Variants in THSD7A observed in about 807,000 individuals in gnomAD.
THSD7A encodes the protein thrombospondin type 1 domain containing 7A.
Under a neutral mutation model 231.3 loss-of-function variants are expected in THSD7A, and 96 were observed. The ratio of observed to expected loss-of-function variants is 0.41; its 90% CI spans 0.35 to 0.49. The LOEUF (loss-of-function observed/expected upper bound fraction) is 0.49, where lower values mean the gene tolerates loss of function less well. THSD7A is among the 20% of genes least tolerant of loss of function. The pLI is 0.05. For missense variants in THSD7A, 2,290 were observed against 2,070.2 expected (o/e 1.11, Z -2.06); for synonymous variants, 940 against 743.3 (o/e 1.26, Z -4.30).
rs1481629404 is a variant in THSD7A at position 11,636,562 on chromosome 7, A to G, written c.590T>C (p.Val197Ala). Residue 197 changes from valine (V) to alanine (A), a missense_variant, in exon 2 of 28, where the codon GTG becomes GCG. By Grantham distance (64) the Val-to-Ala change is moderately conservative (BLOSUM62 0). Transcript: ENST00000423059. The surrounding 1 kb of genome is among the most constrained non-coding windows in gnomAD (Gnocchi z 10.0). ...CLIPCQQDCIVSEFSAWSECS... is the reference protein window; with the variant it reads ...CLIPCQQDCIASEFSAWSECS... ...TTCGGACCAGGCAGAAAATTCAGAC[A>G]CGATGCAATCTTGCTGGCAAGGAAT... 15 of 1,613,994 alleles carry G rather than the reference A, an allele frequency of 9.3e-6. No individual in the cohort carries two copies. The highest frequency in any genetic ancestry group is 1.3e-5 in the Non-Finnish European group (15 of 1,179,900).
chr7:11,628,986 C>T (rs1462830209), intron 2 of THSD7A, among the ~76,000 whole-genome samples: 3 of 152,040 alleles, frequency 2.0e-5, no homozygotes, highest in East Asian at 1.9e-4. Context: ...TACCCTATGG[C>T]GATAAAGGAA....
chr7:11,464,506 G>T (rs1316355463), intron 9 of THSD7A, among the ~76,000 whole-genome samples: 1 of 152,044 alleles, frequency 6.6e-6, no homozygotes, highest in Non-Finnish European at 1.5e-5. Context: ...AAACATTAAT[G>T]TTTCAATTCT....
intron 7 of THSD7A, among the ~76,000 whole-genome samples, chr7:11,478,213 C>T (rs1188586837): frequency 6.6e-6 from 1 of 152,194 alleles, no homozygotes. Context: ...CATGAGGCCA[C>T]CCACATGACA....
At chr7:11,512,497 T>G (rs1787853974) in intron 6 of THSD7A, among the ~76,000 whole-genome samples, 1 of 152,050 alleles carries the variant, frequency 6.6e-6, no homozygotes, top group Admixed American at 6.6e-5. Flanking sequence ...TATTTTTATT[T>G]TGGCACTATT....
In THSD7A at chr7:11,446,050, G is replaced by C; in HGVS notation, c.3064+11C>G. The C allele has an allele frequency of 6.2e-7, 1 of 1,612,854 alleles. No individual in the cohort carries two copies. The highest frequency in any genetic ancestry group is 8.5e-7 in the Non-Finnish European group (1 of 1,179,172). On this transcript the variant is annotated intron_variant, in intron 13 of 27. Transcript: ENST00000423059. The surrounding 1 kb of genome is among the most constrained non-coding windows in gnomAD (Gnocchi z 4.0). ...AAGATAGCAAATATGTAACAATGAAGATTGAATTACCATGGCTGTTACATC... is the reference window on the plus strand; with the variant it reads ...AAGATAGCAAATATGTAACAATGAACATTGAATTACCATGGCTGTTACATC...
chr7:11,783,625 C>T (rs1783699400), intron 1 of THSD7A, among the ~76,000 whole-genome samples: 1 of 152,134 alleles, frequency 6.6e-6, no homozygotes, highest in African/African-American at 2.4e-5. Context: ...GCAAAACCTT[C>T]TTCAGTGGCC....
chr7:11,558,444 C>T (rs1789938853), intron 4 of THSD7A, among the ~76,000 whole-genome samples: 1 of 152,128 alleles, frequency 6.6e-6, no homozygotes, highest in Non-Finnish European at 1.5e-5. Flanking sequence ...GTACCACAGT[C>T]CTAAATCTGG....
chr7:11,593,005 T>C (rs1780224287), intron 3 of THSD7A, among the ~76,000 whole-genome samples: 1 of 152,118 alleles, frequency 6.6e-6, no homozygotes, highest in Non-Finnish European at 1.5e-5. Flanking sequence ...ATCTACCCCT[T>C]TACAGAAAAA....
chr7:11,401,735 T>C, intron 23 of THSD7A, 60 bp downstream of exon 23: 1 of 1,474,208 alleles, frequency 6.8e-7, no homozygotes, highest in South Asian at 1.4e-5. Context: ...TTTAACAGAC[T>C]ATTTTTTTTT....
intron 1 of THSD7A, chr7:11,820,691 G>T (rs190781334): frequency 4.5e-6 from 4 of 884,540 alleles, no homozygotes; most frequent in African/African-American, 3.3e-5. Flanking sequence ...CCCCAGTCTC[G>T]ATGTCTCAAA....
intron 1 of THSD7A, among the ~76,000 whole-genome samples, chr7:11,794,881 A>T (rs1158286071): frequency 6.6e-6 from 1 of 151,990 alleles, no homozygotes; most frequent in Non-Finnish European, 1.5e-5. Context: ...ATATTTAGGG[A>T]CAAAAACACA....
At chr7:11,407,110 T>G (rs1783611313) in intron 20 of THSD7A, 55 bp from the exon 21 acceptor site, 2 of 1,592,690 alleles carry the variant, frequency 1.3e-6, no homozygotes, top group African/African-American at 2.7e-5. Flanking sequence ...TTTGCAAGCA[T>G]ATATCTCATT....
At chr7:11,492,180 G>A (rs1027730245) in intron 6 of THSD7A, among the ~76,000 whole-genome samples, 5 of 151,914 alleles carry the variant, frequency 3.3e-5, no homozygotes, top group African/African-American at 4.8e-5. Context: ...ACCAGAAAAG[G>A]TGCAAAAGAC....
Position 11,579,229 on chromosome 7 carries a change from T to C in THSD7A, c.1453+11231A>G, listed in dbSNP as rs150947115. ...TTTAGAAGGAATAAATATTAATGAGTTCTACAATGTAGTTTGCACTCCTCT... is the reference window on the plus strand; with the variant it reads ...TTTAGAAGGAATAAATATTAATGAGCTCTACAATGTAGTTTGCACTCCTCT... On this transcript the variant is annotated intron_variant, in intron 4 of 27. Transcript: ENST00000423059. Among the ~76,000 whole-genome samples, 279 of 152,314 alleles carry C rather than the reference T, an allele frequency of 1.8e-3. 1 individual carries two copies. The highest frequency in any genetic ancestry group is 4.4e-3 in the African/African-American group (183 of 41,570).
At chr7:11,716,928 G>C (rs909154038) in intron 1 of THSD7A, among the ~76,000 whole-genome samples, 1 of 151,502 alleles carries the variant, frequency 6.6e-6, no homozygotes, top group Non-Finnish European at 1.5e-5. Flanking sequence ...ACCCTGAGTG[G>C]TAACGAATAC....
rs377445205 is a variant in THSD7A, at chr7:11,710,325, T to A, written c.191-73364A>T. ...TTGCTCAGTGACTTCTCTAAACACATGTACTTCCTGTAACTCACATTTGTT... is the reference window on the plus strand; with the variant it reads ...TTGCTCAGTGACTTCTCTAAACACAAGTACTTCCTGTAACTCACATTTGTT... On this transcript the variant is annotated intron_variant, in intron 1 of 27. Transcript: ENST00000423059. Among the ~76,000 whole-genome samples, 15 of 150,902 alleles carry A rather than the reference T, an allele frequency of 9.9e-5. No individual in the cohort carries two copies. In the East Asian group the frequency reaches 2.6e-3, roughly 26 times the overall value.
At position 11,462,084 on chromosome 7, in the gene THSD7A, C is replaced by A; in HGVS notation, c.2428G>T (p.Gly810Trp). The A allele has an allele frequency of 6.2e-7, 1 of 1,613,790 alleles. No individual in the cohort carries two copies. Among genetic ancestry groups the A allele is most frequent in the Non-Finnish European group, 8.5e-7 (1 of 1,179,752 alleles). ...HRVIIQLPAN[G>W]GRDCTDPLYE... ...AGGGGATCTGTGCAGTCTCGGCCCCCGTTGGCTGGCAGCTGAATGATGACC... is the reference window on the plus strand; with the variant it reads ...AGGGGATCTGTGCAGTCTCGGCCCCAGTTGGCTGGCAGCTGAATGATGACC... Residue 810 changes from glycine (G) to tryptophan (W), a missense_variant, in exon 10 of 28, where the codon GGG becomes TGG. Transcript: ENST00000423059.
At chr7:11,515,712 G>A (rs776190501) in intron 6 of THSD7A, among the ~76,000 whole-genome samples, 1 of 152,060 alleles carries the variant, frequency 6.6e-6, no homozygotes, top group African/African-American at 2.4e-5. Context: ...ATGTTTTATA[G>A]TAAGTGGCAG....
chr7:11,650,910 A>G (rs1388037156), intron 1 of THSD7A, among the ~76,000 whole-genome samples: 1 of 152,050 alleles, frequency 6.6e-6, no homozygotes, highest in Non-Finnish European at 1.5e-5. Context: ...CAAAACTGCA[A>G]AAGGCTAAAG....
Sources: allele counts gnomAD v4.1 joint callset (sites outside exome capture counted in the v4.1 genomes callset), GRCh38; gene constraint gnomAD v4.1.1; non-coding constraint Gnocchi (gnomAD v3.1); transcripts MANE v1.5; gene names NCBI Gene and HGNC (gene_info 2026-07-23, HGNC 2026-07-21).